Variants in XYLT1 observed in about 807,000 individuals in gnomAD.
XYLT1 encodes xylosyltransferase 1, also known as beta-D-xylosyltransferase 1.
XYLT1 carries 36 observed loss-of-function variants against 91.3 expected under a neutral mutation model. That is an observed-to-expected ratio of 0.39 (90% confidence interval 0.30 to 0.52). The LOEUF is 0.52. Ranked by LOEUF, XYLT1 falls within the 20% of genes least tolerant of loss-of-function variation. XYLT1 has a pLI of 0.68. For synonymous variants in XYLT1, 588 were observed against 532.0 expected (o/e 1.11, Z -1.45); for missense variants, 1,242 against 1,284.5 (o/e 0.97, Z 0.51).
At chr16:17,173,111 C>T (rs559038586) in intron 5 of XYLT1, among the ~76,000 whole-genome samples, 278 of 152,254 alleles carry the variant, frequency 1.8e-3, no homozygotes, top group Non-Finnish European at 3.3e-3. Context: ...TAAACTCTGC[C>T]GGGAAGATGC....
intron 2 of XYLT1, among the ~76,000 whole-genome samples, chr16:17,320,503 C>T (rs1596480451): frequency 7.8e-6 from 1 of 127,564 alleles, no homozygotes; most frequent in Non-Finnish European, 1.6e-5. Context: ...TTTTTTGAGA[C>T]TGAGTCTTGC....
intron 1 of XYLT1, among the ~76,000 whole-genome samples, chr16:17,469,000 G>A (rs767640879): frequency 3.9e-5 from 6 of 152,190 alleles, no homozygotes; most frequent in Non-Finnish European, 7.3e-5. Flanking sequence ...CACTAGGAAT[G>A]TTCTGGTTCT....
At chr16:17,441,344 A>G (rs2036529323) in intron 1 of XYLT1, among the ~76,000 whole-genome samples, 1 of 152,192 alleles carries the variant, frequency 6.6e-6, no homozygotes, top group Non-Finnish European at 1.5e-5. Flanking sequence ...TTACTGAAAA[A>G]AACACAAAAC....
At chr16:17,207,052 C>CTTTTTTTTTTTTT (rs1211378641) in intron 3 of XYLT1, among the ~76,000 whole-genome samples, 8 of 121,086 alleles carry the variant, frequency 6.6e-5, no homozygotes, top group Admixed American at 2.5e-4. Flanking sequence ...TCTTTTCTTT[C>CTTTTTTTTTTTTT]TTTTTTTTTT....
intron 1 of XYLT1, among the ~76,000 whole-genome samples, chr16:17,433,459 G>A (rs768420265): frequency 6.6e-6 from 1 of 152,234 alleles, no homozygotes; most frequent in African/African-American, 2.4e-5. Context: ...CGGTCGGGAA[G>A]GGTTGCCTAG....
At chr16:17,114,937 C>T (rs973378612) in intron 11 of XYLT1, among the ~76,000 whole-genome samples, 4 of 152,054 alleles carry the variant, frequency 2.6e-5, no homozygotes, top group Non-Finnish European at 4.4e-5. Flanking sequence ...CTCCGCTTCC[C>T]GGGTTCACGC....
chr16:17,395,277 G>A (rs2035870102), intron 1 of XYLT1, among the ~76,000 whole-genome samples: 2 of 152,094 alleles, frequency 1.3e-5, no homozygotes, highest in Admixed American at 6.5e-5. Context: ...TTGGCACATG[G>A]AGATTACAAT....
chr16:17,139,681 G>A (rs1047977740), intron 7 of XYLT1, among the ~76,000 whole-genome samples: 2 of 152,190 alleles, frequency 1.3e-5, no homozygotes, highest in Non-Finnish European at 2.9e-5. Flanking sequence ...GTGGGAAGAT[G>A]TACCCAATTA....
intron 1 of XYLT1, among the ~76,000 whole-genome samples, chr16:17,395,783 G>A (rs1385960231): frequency 2.6e-5 from 4 of 152,208 alleles, no homozygotes; most frequent in Middle Eastern, 3.4e-3. Flanking sequence ...TTTTCAAATC[G>A]GAATCAATTT....
intron 8 of XYLT1, among the ~76,000 whole-genome samples, chr16:17,136,689 C>T (rs769405877): frequency 3.9e-5 from 6 of 152,100 alleles, no homozygotes; most frequent in Middle Eastern, 3.2e-3. Flanking sequence ...AAACAGGGCA[C>T]GTTACCATAT....
chr16:17,346,334 G>A (rs1463165405), intron 2 of XYLT1, among the ~76,000 whole-genome samples: 1 of 152,122 alleles, frequency 6.6e-6, no homozygotes, highest in Non-Finnish European at 1.5e-5. Context: ...AGTCCTGAGT[G>A]TGCAGGGGAC....
At chr16:17,436,278 C>T (rs935668528) in intron 1 of XYLT1, among the ~76,000 whole-genome samples, 1 of 152,170 alleles carries the variant, frequency 6.6e-6, no homozygotes, top group African/African-American at 2.4e-5. Context: ...GACAATTACA[C>T]GGTCTAAGAG....
intron 4 of XYLT1, 67 bp from the exon 5 acceptor site, chr16:17,198,481 C>A (rs1277419438): frequency 6.7e-7 from 1 of 1,489,214 alleles, no homozygotes; most frequent in South Asian, 1.3e-5. Flanking sequence ...TGCCCCTCAC[C>A]CCTGTCCCCT....
intron 3 of XYLT1, among the ~76,000 whole-genome samples, chr16:17,237,491 TG>T (rs1196917628): frequency 1.3e-5 from 2 of 152,292 alleles, no homozygotes; most frequent in East Asian, 3.9e-4. Context: ...GGCAGTGAAC[TG>T]GTTTTTCAGA....
intron 6 of XYLT1, among the ~76,000 whole-genome samples, chr16:17,148,771 A>T (rs1383058416): frequency 6.6e-6 from 1 of 152,226 alleles, no homozygotes; most frequent in Non-Finnish European, 1.5e-5. Context: ...TAGTCCCACC[A>T]AAAAGATAGA....
At chr16:17,182,125 G>A (rs1056022788) in intron 5 of XYLT1, among the ~76,000 whole-genome samples, 1 of 152,176 alleles carries the variant, frequency 6.6e-6, no homozygotes, top group Admixed American at 6.5e-5. Flanking sequence ...GTGAGAAAAA[G>A]GAGACTCACA....
intron 1 of XYLT1, among the ~76,000 whole-genome samples, chr16:17,428,368 C>T (rs996079053): frequency 6.6e-6 from 1 of 152,162 alleles, no homozygotes; most frequent in African/African-American, 2.4e-5. Flanking sequence ...TTACACCTGA[C>T]CCTGTCACTT....
intron 1 of XYLT1, among the ~76,000 whole-genome samples, chr16:17,445,517 C>T (rs2036580793): frequency 6.6e-6 from 1 of 152,200 alleles, no homozygotes; most frequent in Non-Finnish European, 1.5e-5. Context: ...GCTGCCAGAA[C>T]ATCTGTCTAG....
At chr16:17,361,501 T>C (rs1478148096) in intron 1 of XYLT1, among the ~76,000 whole-genome samples, 2 of 152,218 alleles carry the variant, frequency 1.3e-5, no homozygotes, top group African/African-American at 4.8e-5. Context: ...ACCTAAATAA[T>C]ACATGCTCTT....
Sources: allele counts gnomAD v4.1 joint callset (sites outside exome capture counted in the v4.1 genomes callset), GRCh38; gene constraint gnomAD v4.1.1; transcripts MANE v1.5; gene names NCBI Gene and HGNC (gene_info 2026-07-23, HGNC 2026-07-21).